The following MOSMO variants were observed in gnomAD, a reference collection of about 807,000 sequenced individuals.
MOSMO encodes the protein modulator of smoothened, also known as modulator of smoothened protein.
A neutral mutation model predicts 18.4 loss-of-function variants in MOSMO; 5 were observed. That is an observed-to-expected ratio of 0.27 (90% CI 0.14 to 0.57). The LOEUF is 0.57. Among genes scored for constraint, MOSMO ranks in the 20% least tolerant of loss-of-function variants. MOSMO has a pLI of 0.92. For synonymous variants in MOSMO, 82 were observed against 82.3 expected, an observed-to-expected ratio of 1.00 and a Z score of 0.02; for missense variants, 138 against 211.8, an observed-to-expected ratio of 0.65 and a Z score of 2.16.
At position 22,069,329 on chromosome 16, in the gene MOSMO, TC is replaced by T. The variant is rs541897788; in HGVS notation, c.107-6157del. On this transcript the variant is annotated intron_variant, in intron 1 of 2. Coordinates refer to ENST00000542527, the MANE Select transcript of MOSMO (RefSeq NM_001164579.2). Reference sequence around the variant, plus strand: ...AGGAATTAATCTAAGAATTAGAGCATCAAGTATGAAAAGAAATGAAAGACTA... The same window carrying T: ...AGGAATTAATCTAAGAATTAGAGCATAAGTATGAAAAGAAATGAAAGACTA... Among the ~76,000 whole-genome samples, 4 of 152,232 alleles carry T rather than the reference TC, an allele frequency of 2.6e-5. No homozygotes were observed. The East Asian group carries it at 7.7e-4, about 29-fold the overall frequency.
chr16:22,023,377 G>A (rs1899803887), intron 1 of MOSMO, among the ~76,000 whole-genome samples: 1 of 152,186 alleles, frequency 6.6e-6, no homozygotes, highest in Admixed American at 6.5e-5. Flanking sequence ...TGCACCATTA[G>A]TTAAGTAAGA....
intron 1 of MOSMO, among the ~76,000 whole-genome samples, chr16:22,053,811 A>AG (rs1033569791): frequency 9.9e-5 from 15 of 152,222 alleles, no homozygotes; most frequent in African/African-American, 3.6e-4. Flanking sequence ...TCAAAAAAAA[A>AG]GAAGTGGTTA....
chr16:22,016,343 T>A (rs1383745543), intron 1 of MOSMO, among the ~76,000 whole-genome samples: 1 of 152,216 alleles, frequency 6.6e-6, no homozygotes. Flanking sequence ...CAAATGTTAG[T>A]CATTTATTAC....
chr16:22,041,641 G>GA (rs1900211741), intron 1 of MOSMO, among the ~76,000 whole-genome samples: 2 of 152,100 alleles, frequency 1.3e-5, no homozygotes, highest in South Asian at 2.1e-4. Flanking sequence ...TCAGGAAAGA[G>GA]AAGAAGTTCA....
At chr16:22,016,326 A>G (rs1232434371) in intron 1 of MOSMO, among the ~76,000 whole-genome samples, 2 of 152,242 alleles carry the variant, frequency 1.3e-5, no homozygotes, top group African/African-American at 4.8e-5. Context: ...GATACTTAGT[A>G]AATGCTCAAA....
intron 1 of MOSMO, among the ~76,000 whole-genome samples, chr16:22,016,337 T>C (rs997261163): frequency 1.3e-5 from 2 of 152,234 alleles, no homozygotes; most frequent in Admixed American, 1.3e-4. Context: ...AATGCTCAAA[T>C]GTTAGTCATT....
intron 1 of MOSMO, among the ~76,000 whole-genome samples, chr16:22,053,253 G>A (rs1308029560): frequency 1.3e-5 from 2 of 151,600 alleles, no homozygotes; most frequent in African/African-American, 4.8e-5. Context: ...ATGAGCCACC[G>A]CACACCCAGC....
intron 1 of MOSMO, among the ~76,000 whole-genome samples, chr16:22,035,532 C>G (rs923994653): frequency 1.3e-5 from 2 of 151,884 alleles, no homozygotes. Flanking sequence ...TTTAATCATA[C>G]TGAGCCTCAG....
intron 1 of MOSMO, among the ~76,000 whole-genome samples, chr16:22,026,987 T>G (rs1899889694): frequency 6.6e-6 from 1 of 152,232 alleles, no homozygotes; most frequent in South Asian, 2.1e-4. Flanking sequence ...AATTCCATTT[T>G]TTAAATCACT....
intron 1 of MOSMO, among the ~76,000 whole-genome samples, chr16:22,019,942 G>A (rs953901978): frequency 4.6e-5 from 7 of 151,978 alleles, no homozygotes; most frequent in Non-Finnish European, 7.4e-5. Flanking sequence ...GGCCAGGTGC[G>A]GTGGCTCACG....
chr16:22,062,915 C>T lies in MOSMO; in HGVS notation c.107-12572C>T, dbSNP rs533660995. Among the ~76,000 whole-genome samples the T allele has an allele frequency of 5.9e-5, 9 of 152,298 alleles. No homozygotes were observed. The South Asian group carries it at 1.5e-3, about 25-fold the overall frequency. ...TCGCCCAGGCTGGGGTGCCATGACG[C>T]GATCTCGGCTCACTGCAACCTCTGC... On this transcript the variant is annotated intron_variant, in intron 1 of 2. Coordinates refer to ENST00000542527, the MANE Select transcript of MOSMO (RefSeq NM_001164579.2).
At position 22,075,534 on chromosome 16, in the gene MOSMO, C is replaced by CGA. The variant is rs1309069887; in HGVS notation, c.157_158dup (p.Asp53GlufsTer28). On this transcript the variant is annotated frameshift_variant, in exon 2 of 3. Transcript: ENST00000542527. LOFTEE classifies it high-confidence loss of function. ...GCGACAGTGTCAAACAATCCATGGA[C>CGA]GAGACCGGACGTGCATCCCTCCCCG... The CGA allele has an allele frequency of 6.5e-7, 1 of 1,537,196 alleles. No individual in the cohort carries two copies. Among genetic ancestry groups the CGA allele is most frequent in the Admixed American group, 2.0e-5 (1 of 50,986 alleles).
intron 1 of MOSMO, among the ~76,000 whole-genome samples, chr16:22,013,470 C>G (rs1240500345): frequency 2.6e-5 from 4 of 152,152 alleles, no homozygotes; most frequent in African/African-American, 9.7e-5. Flanking sequence ...CACTGTCACT[C>G]TCTTCTCACC....
At chr16:22,070,840 G>A (rs148188442) in intron 1 of MOSMO, among the ~76,000 whole-genome samples, 4 of 152,226 alleles carry the variant, frequency 2.6e-5, no homozygotes, top group African/African-American at 9.6e-5. Context: ...CTCATTCAGA[G>A]GGCGAGCTGC....
Position 22,084,566 on chromosome 16 carries a change from C to G in MOSMO, c.*3686C>G, listed in dbSNP as rs1901137452. 6.6e-6 allele frequency: 1 copy of G among 152,134 alleles called. No individual in the cohort carries two copies. The highest frequency in any genetic ancestry group is 1.5e-5 in the Non-Finnish European group (1 of 68,020). 9.4% of individuals were successfully genotyped at this position (152,134 alleles called of 1,614,324 possible). ...GTTTCAAAACAAATTGTTAATACAACTGTATAAAATGAACATAATTTTCCT... is the reference window on the plus strand; with the variant it reads ...GTTTCAAAACAAATTGTTAATACAAGTGTATAAAATGAACATAATTTTCCT... On this transcript the variant is annotated 3_prime_UTR_variant, in exon 3 of 3. Transcript: ENST00000542527.
At chr16:22,023,748 C>G (rs1899811909) in intron 1 of MOSMO, among the ~76,000 whole-genome samples, 1 of 152,022 alleles carries the variant, frequency 6.6e-6, no homozygotes, top group Non-Finnish European at 1.5e-5. Context: ...TTACCAATAG[C>G]TCTCTGCTGT....
At chr16:22,033,527 A>G (rs1294768472) in intron 1 of MOSMO, among the ~76,000 whole-genome samples, 1 of 151,834 alleles carries the variant, frequency 6.6e-6, no homozygotes, top group Non-Finnish European at 1.5e-5. Context: ...AGCTGAGATT[A>G]CAGGCACCCG....
rs906526492 is a variant in MOSMO, at chr16:22,072,806, CAAA to C, written c.107-2666_107-2664del. The stretch of plus-strand genomic sequence containing the variant: ...TGGGTGACAGAGCGAGACTCCATCT[CAAA>C]AAAAAAAAAAAAAAGTGTATTGATT... On this transcript the variant is annotated intron_variant, in intron 1 of 2. Transcript: ENST00000542527. Among the ~76,000 whole-genome samples the C allele has an allele frequency of 3.3e-4, 26 of 78,492 alleles. 1 individual carries two copies. Among genetic ancestry groups the C allele is most frequent in the South Asian group, 2.4e-3 (6 of 2,504 alleles). The allele number at this position is 78,492 out of a possible 152,430, so 51.5% of individuals were successfully genotyped here. A position where few individuals can be genotyped will look rare whatever the true frequency, so the allele number is the denominator to read the frequency against.
In MOSMO at chr16:22,079,104, G is replaced by T. The variant is rs561532951; in HGVS notation, c.320-1592G>T. On this transcript the variant is annotated intron_variant, in intron 2 of 2. Coordinates refer to ENST00000542527, the MANE Select transcript of MOSMO (RefSeq NM_001164579.2). ...TGTTTTTTCTCATTGTATTGCTGGAGTTATTCCTTCTGGAAGGGGTTCCTA... is the reference window on the plus strand; with the variant it reads ...TGTTTTTTCTCATTGTATTGCTGGATTTATTCCTTCTGGAAGGGGTTCCTA... 3.9e-5 allele frequency among the ~76,000 whole-genome samples: 6 copies of T among 152,278 alleles called. No individual in the cohort carries two copies. In the East Asian group the frequency reaches 1.2e-3, roughly 29 times the overall value.
Sources: allele counts gnomAD v4.1 joint callset (sites outside exome capture counted in the v4.1 genomes callset), GRCh38; gene constraint gnomAD v4.1.1; transcripts MANE v1.5; gene names NCBI Gene and HGNC (gene_info 2026-07-23, HGNC 2026-07-21).